The following TOMM40 variants were observed in gnomAD, a reference collection of about 807,000 sequenced individuals.
The protein encoded by TOMM40 is mitochondrial import receptor subunit TOM40 homolog.
In TOMM40, 9 loss-of-function variants were observed where a neutral mutation model predicts 38.4. That is an observed-to-expected ratio of 0.23 (90% CI 0.14 to 0.41). The LOEUF (loss-of-function observed/expected upper bound fraction) is 0.41, where lower values mean the gene tolerates loss of function less well. Ranked by LOEUF, TOMM40 falls within the 10% of genes least tolerant of loss-of-function variation. The probability of loss-of-function intolerance (pLI) is 1.00; values close to 1 mark genes in which losing one functional copy is unlikely to be tolerated. For missense variants in TOMM40, 299 were observed against 486.5 expected (o/e 0.61, Z 3.63); for synonymous variants, 184 against 210.0 (o/e 0.88, Z 1.07).
chr19:44,891,321 A>G lies in TOMM40; in HGVS notation c.-95A>G. On this transcript the variant is annotated 5_prime_UTR_variant, in exon 1 of 9. Coordinates refer to ENST00000426677, the MANE Select transcript of TOMM40 (RefSeq NM_001128917.2). ...GGAGCAGGCGCCGCCGCCAGTGAGAACCGGGGCCGGAGCCGGGTGCGGATT... is the reference window on the plus strand; with the variant it reads ...GGAGCAGGCGCCGCCGCCAGTGAGAGCCGGGGCCGGAGCCGGGTGCGGATT... 5 of 1,210,672 alleles carry G rather than the reference A, an allele frequency of 4.1e-6. No individual in the cohort carries two copies. The highest frequency in any genetic ancestry group is 5.1e-6 in the Non-Finnish European group (5 of 973,942). The allele number at this position is 1,210,672 out of a possible 1,614,324, so 75.0% of individuals were successfully genotyped here.
intron 4 of TOMM40, 27 bp from the exon 5 acceptor site, chr19:44,893,934 C>A: frequency 6.3e-7 from 1 of 1,597,650 alleles, no homozygotes; most frequent in Middle Eastern, 2.1e-4. Context: ...AGCAGGGAGC[C>A]GCCCTCACAC....
intron 5 of TOMM40, among the ~76,000 whole-genome samples, chr19:44,899,298 C>T (rs1969632749): frequency 6.6e-6 from 1 of 151,886 alleles, no homozygotes; most frequent in Non-Finnish European, 1.5e-5. Flanking sequence ...AAGCATGTGC[C>T]ATCATGCCTG....
chr19:44,900,667 C>T (rs1160984), intron 5 of TOMM40, 63 bp from the exon 6 acceptor site: 85,422 of 1,610,400 alleles, frequency 0.053, 2,566 homozygotes, highest in Middle Eastern at 0.08. Context: ...AGAGGGCTTC[C>T]TGGAGGTGGA....
intron 2 of TOMM40, 130 bp from the exon 3 acceptor site, chr19:44,892,707 C>T (rs1599935202): frequency 8.4e-6 from 7 of 830,510 alleles, no homozygotes; most frequent in Non-Finnish European, 1.4e-5. Flanking sequence ...CACCTCCTTT[C>T]TCTGAGTCTC....
rs1599938922 is a variant in TOMM40 at position 44,895,672 on chromosome 19, T to C, written c.643+1606T>C. Among the ~76,000 whole-genome samples, 10 of 152,096 alleles carry C rather than the reference T, an allele frequency of 6.6e-5. 1 individual carries two copies. In the South Asian group the frequency reaches 1.7e-3, roughly 25 times the overall value. On this transcript the variant is annotated intron_variant, in intron 5 of 8. Transcript: ENST00000426677. ...CCTGCCTCAGGCTCCCTAGTATCCC[T>C]AGTAGCTGGGACTACAGGCGCGCGC...
intron 5 of TOMM40, among the ~76,000 whole-genome samples, chr19:44,897,760 G>A (rs1300684043): frequency 2.2e-5 from 3 of 137,696 alleles, no homozygotes; most frequent in Non-Finnish European, 4.6e-5. Flanking sequence ...GGCAACAAGA[G>A]CAAAACGCCC....
intron 8 of TOMM40, chr19:44,902,786 TG>T: frequency 2.2e-6 from 1 of 446,974 alleles, no homozygotes; most frequent in Non-Finnish European, 4.0e-6. Flanking sequence ...AGGACTAGGT[TG>T]GGGGAACCCA....
intron 5 of TOMM40, among the ~76,000 whole-genome samples, chr19:44,894,829 G>A (rs988843233): frequency 6.6e-6 from 1 of 152,208 alleles, no homozygotes; most frequent in African/African-American, 2.4e-5. Flanking sequence ...CAGAGCCTTG[G>A]CCTTCGCTCT....
chr19:44,891,595 T>C lies in TOMM40; in HGVS notation c.180T>C (p.Ala60=), dbSNP rs11556508. The C allele has an allele frequency of 1.0e-3, 1,476 of 1,469,078 alleles. 3 individuals are homozygous for C. Among genetic ancestry groups the C allele is most frequent in the Middle Eastern group, 4.1e-3 (17 of 4,158 alleles). The allele number at this position is 1,469,078 out of a possible 1,614,324, so 91.0% of individuals were successfully genotyped here. The change falls in exon 1 of 9, where the codon GCT becomes GCC. Residue 60 remains alanine (A), a synonymous_variant. Coordinates refer to ENST00000426677, the MANE Select transcript of TOMM40 (RefSeq NM_001128917.2). ...GAAGTTCGGAACGGACCCCCGGGGC[T>C]GCAACCGCCAGCGCCTCAGGGGCCG... The part of the protein sequence containing the change: ...TSRSSERTPG[A]ATASASGAAE...
chr19:44,903,272 C>A lies in TOMM40; in HGVS notation c.*103C>A. On this transcript the variant is annotated 3_prime_UTR_variant, in exon 9 of 9. Transcript: ENST00000426677. Reference sequence around the variant, plus strand: ...TGAGCCCCCCTCCCTTCCCTCCCCCCTTGGGGGTCGGGGGGGACATTGGAA... The same window carrying A: ...TGAGCCCCCCTCCCTTCCCTCCCCCATTGGGGGTCGGGGGGGACATTGGAA... 1 of 1,255,184 alleles carries A rather than the reference C, an allele frequency of 8.0e-7. No individual in the cohort carries two copies. Among genetic ancestry groups the A allele is most frequent in the East Asian group, 2.6e-5 (1 of 37,766 alleles). The allele number at this position is 1,255,184 out of a possible 1,614,324, so 77.8% of individuals were successfully genotyped here.
rs539972069 is a variant in TOMM40, at chr19:44,896,783, A to G, written c.643+2717A>G. Among the ~76,000 whole-genome samples the G allele has an allele frequency of 3.3e-5, 5 of 152,242 alleles. No homozygotes were observed. The South Asian group carries it at 1.0e-3, about 32-fold the overall frequency. On this transcript the variant is annotated intron_variant, in intron 5 of 8. Transcript: ENST00000426677. ...CTCATGGGGGTCCCAGGTCAGGCAC[A>G]GTGGCTCACACCTGTAATCCCAGCA... is the stretch of plus-strand genomic sequence containing the variant.
intron 5 of TOMM40, among the ~76,000 whole-genome samples, chr19:44,899,912 G>A (rs1977246382): frequency 6.7e-6 from 1 of 149,138 alleles, no homozygotes. Context: ...CAAATAGCTG[G>A]GATTACAGGC....
chr19:44,899,155 A>G (rs1317659787), intron 5 of TOMM40, among the ~76,000 whole-genome samples: 1 of 150,662 alleles, frequency 6.6e-6, no homozygotes, highest in Non-Finnish European at 1.5e-5. Flanking sequence ...AAAAAATTAA[A>G]TTTCTTATTT....
chr19:44,898,642 A>G (rs899537215), intron 5 of TOMM40, among the ~76,000 whole-genome samples: 1 of 147,610 alleles, frequency 6.8e-6, no homozygotes, highest in Non-Finnish European at 1.5e-5. Flanking sequence ...GGTTCAAGCG[A>G]TTCTCCTGCC....
chr19:44,894,087 AG>A (rs1254747601), intron 5 of TOMM40, 21 bp downstream of exon 5: 1 of 1,483,706 alleles, frequency 6.7e-7, no homozygotes, highest in Non-Finnish European at 9.0e-7. Context: ...GAGGGCTTGG[AG>A]GGTGGTCACA....
At chr19:44,892,974 A>G in intron 3 of TOMM40, 45 bp downstream of exon 3, 2 of 1,527,470 alleles carry the variant, frequency 1.3e-6, no homozygotes, top group Non-Finnish European at 1.8e-6. Flanking sequence ...TCTAATAACA[A>G]ATTTGTAGCC....
At chr19:44,894,515 G>A (rs1800136469) in intron 5 of TOMM40, among the ~76,000 whole-genome samples, 1 of 152,168 alleles carries the variant, frequency 6.6e-6, no homozygotes, top group Admixed American at 6.6e-5. Flanking sequence ...ACCCACCTCA[G>A]CCTCCCAAAG....
At chr19:44,900,527 G>A (rs1446027074) in intron 5 of TOMM40, among the ~76,000 whole-genome samples, 1 of 152,192 alleles carries the variant, frequency 6.6e-6, no homozygotes, top group Non-Finnish European at 1.5e-5. Flanking sequence ...AGGTCCTTCA[G>A]GTAATGCAGT....
intron 6 of TOMM40, 28 bp from the exon 7 acceptor site, chr19:44,901,000 A>G (rs374298484): frequency 5.6e-5 from 90 of 1,613,018 alleles, no homozygotes; most frequent in Non-Finnish European, 7.4e-5. Flanking sequence ...TGGTAATGAG[A>G]CCCCGCCTCC....
Sources: allele counts gnomAD v4.1 joint callset (sites outside exome capture counted in the v4.1 genomes callset), GRCh38; gene constraint gnomAD v4.1.1; transcripts MANE v1.5; gene names NCBI Gene and HGNC (gene_info 2026-07-23, HGNC 2026-07-21).